Variants in BTBD8 observed in about 807,000 individuals in gnomAD.
BTBD8 encodes BTB/POZ domain-containing protein 8.
A neutral mutation model predicts 162.9 loss-of-function variants in BTBD8; 110 were observed. The ratio of observed to expected loss-of-function variants is 0.68; its 90% CI spans 0.58 to 0.79. The LOEUF is 0.79. Ranked by LOEUF, BTBD8 falls within the 30% of genes least tolerant of loss-of-function variation. The pLI, the probability that BTBD8 is intolerant of heterozygous loss-of-function variation, is 0.00. For missense variants in BTBD8, 1,905 were observed against 2,085.4 expected (o/e 0.91, Z 1.68); for synonymous variants, 667 against 716.1 (o/e 0.93, Z 1.10).
Position 92,184,049 on chromosome 1 carries a change from C to G in BTBD8, c.5098C>G (p.Leu1700Val). Residue 1700 changes from leucine to valine, a missense_variant, in exon 18 of 18, where the codon CTA becomes GTA. Leu to Val is a conservative substitution (Grantham distance 32). Transcript: ENST00000636805. ...ACATTTTGCAAAACAAGATTGGACA[C>G]TACTAAAGCAACTGCTCTCTGAACA... ...DQHFAKQDWT[L>V]LKQLLSEQDS... 6.4e-7 allele frequency: 1 copy of G among 1,551,618 alleles called. No homozygotes were observed.
At chr1:92,103,989 T>C (rs1365550959) in intron 3 of BTBD8, among the ~76,000 whole-genome samples, 1 of 152,204 alleles carries the variant, frequency 6.6e-6, no homozygotes, top group African/African-American at 2.4e-5. Flanking sequence ...ACACATGCAG[T>C]AAACTGAGGT....
chr1:92,106,660 C>CAGAAAAA (rs748723854), intron 3 of BTBD8, among the ~76,000 whole-genome samples: 3 of 9,944 alleles, frequency 3.0e-4, no homozygotes, highest in African/African-American at 1.2e-3. Flanking sequence ...GACTCTGTCT[C>CAGAAAAA]AAAAAAAAAA....
chr1:92,134,247 T>G (rs1480807346), intron 5 of BTBD8, among the ~76,000 whole-genome samples: 1 of 152,240 alleles, frequency 6.6e-6, no homozygotes, highest in Non-Finnish European at 1.5e-5. Context: ...TGCCCTGGCC[T>G]TCAATATAAG....
intron 2 of BTBD8, among the ~76,000 whole-genome samples, chr1:92,100,425 T>C (rs1380226367): frequency 2.6e-5 from 4 of 152,188 alleles, no homozygotes; most frequent in African/African-American, 9.6e-5. Context: ...TGGTAGAATC[T>C]ACCAGTCAAG....
Position 92,086,138 on chromosome 1 carries a change from C to A in BTBD8, c.150-2560C>A, listed in dbSNP as rs147980205. Among the ~76,000 whole-genome samples the A allele has an allele frequency of 6.2e-3, 944 of 152,266 alleles. 8 individuals carry two copies. The highest frequency in any genetic ancestry group is 0.021 in the African/African-American group (890 of 41,544). The stretch of plus-strand genomic sequence containing the variant: ...TCTTCTGGTTTAAGATACAATTGAT[C>A]TATGAGCCTGGGAGTGCTAGAAGCA... On this transcript the variant is annotated intron_variant, in intron 1 of 17. Coordinates refer to ENST00000636805, the MANE Select transcript of BTBD8 (RefSeq NM_001376131.1).
chr1:92,091,208 C>T (rs1488028575), intron 2 of BTBD8, among the ~76,000 whole-genome samples: 1 of 152,088 alleles, frequency 6.6e-6, no homozygotes, highest in Non-Finnish European at 1.5e-5. Context: ...TGGTTGTTTA[C>T]AAGTGTGTAG....
chr1:92,125,266 T>C (rs915187813), intron 4 of BTBD8: 4 of 163,024 alleles, frequency 2.5e-5, no homozygotes, highest in African/African-American at 9.6e-5. Context: ...GAAGAAAGAA[T>C]AGAGGGGACC....
At chr1:92,159,683 C>A (rs753865589) in intron 9 of BTBD8, among the ~76,000 whole-genome samples, 4 of 152,118 alleles carry the variant, frequency 2.6e-5, no homozygotes, top group Admixed American at 6.5e-5. Flanking sequence ...TCTTGGTCGG[C>A]AGGGTTTGTT....
Position 92,164,818 on chromosome 1 carries a change from C to T in BTBD8, c.1123-2140C>T, listed in dbSNP as rs183776763. On this transcript the variant is annotated intron_variant, in intron 9 of 17. Transcript: ENST00000636805. The stretch of plus-strand genomic sequence containing the variant: ...CTGGGACTACAGGTGCCCGCCACCA[C>T]GCCCAGCTAATTTTTTATATTTTTG... 1.8e-3 allele frequency among the ~76,000 whole-genome samples: 270 copies of T among 151,764 alleles called. 3 individuals carry two copies. The highest frequency in any genetic ancestry group is 5.9e-3 in the African/African-American group (244 of 41,478).
At chr1:92,082,658 A>C (rs1421003179) in intron 1 of BTBD8, among the ~76,000 whole-genome samples, 1 of 152,228 alleles carries the variant, frequency 6.6e-6, no homozygotes, top group Non-Finnish European at 1.5e-5. Context: ...ACTCTGCCAA[A>C]TAGTAAGGAA....
In BTBD8 at chr1:92,147,669, CTTTTA is replaced by C. The variant is rs778276039; in HGVS notation, c.1020-9_1020-5del. The C allele has an allele frequency of 1.8e-5, 28 of 1,579,922 alleles. No homozygotes were observed. The highest frequency in any genetic ancestry group is 2.2e-5 in the Non-Finnish European group (26 of 1,161,932). On this transcript the variant is annotated splice_polypyrimidine_tract_variant and intron_variant, in intron 8 of 17. Coordinates refer to ENST00000636805, the MANE Select transcript of BTBD8 (RefSeq NM_001376131.1). ...ATCTTAATTTCTTTAACGTGGTATT[CTTTTA>C]TTTTAACAGGTGGATTGTAAAGCAT... is the stretch of plus-strand genomic sequence containing the variant.
chr1:92,109,313 C>T (rs142196076), intron 4 of BTBD8, among the ~76,000 whole-genome samples: 1 of 150,358 alleles, frequency 6.7e-6, no homozygotes, highest in Non-Finnish European at 1.5e-5. Context: ...TTTGTGTCCA[C>T]GTTTTTCATG....
intron 9 of BTBD8, 167 bp downstream of exon 9, chr1:92,147,953 C>G (rs1256331380): frequency 1.7e-6 from 1 of 598,542 alleles, no homozygotes; most frequent in Non-Finnish European, 2.9e-6. Flanking sequence ...TGAAACCACT[C>G]TGCATACCCA....
chr1:92,090,473 T>C (rs1020878598), intron 2 of BTBD8, among the ~76,000 whole-genome samples: 9 of 152,258 alleles, frequency 5.9e-5, no homozygotes, highest in South Asian at 2.1e-4. Flanking sequence ...TTGCCCATTT[T>C]GAAATTGGGC....
chr1:92,145,334 A>G (rs533640223), intron 7 of BTBD8, among the ~76,000 whole-genome samples: 1 of 152,296 alleles, frequency 6.6e-6, no homozygotes, highest in East Asian at 1.9e-4. Flanking sequence ...AATCAATAGC[A>G]ATTCATAAAT....
intron 1 of BTBD8, among the ~76,000 whole-genome samples, chr1:92,085,539 T>A (rs894442413): frequency 8.6e-5 from 13 of 152,042 alleles, no homozygotes; most frequent in African/African-American, 2.9e-4. Context: ...TGCACACCTG[T>A]ACTCCCAGCT....
At chr1:92,134,127 G>T (rs565264940) in intron 5 of BTBD8, among the ~76,000 whole-genome samples, 1 of 76,814 alleles carries the variant, frequency 1.3e-5, no homozygotes, top group African/African-American at 4.5e-5. Context: ...CAACACTTCT[G>T]TGAAGGAACT....
At position 92,130,896 on chromosome 1, in the gene BTBD8, T is replaced by C. The variant is rs1408031664; in HGVS notation, c.752+1120T>C. Among the ~76,000 whole-genome samples, 3 of 152,120 alleles carry C rather than the reference T, an allele frequency of 2.0e-5. No individual in the cohort carries two copies. The East Asian group carries it at 5.8e-4, about 29-fold the overall frequency. On this transcript the variant is annotated intron_variant, in intron 5 of 17. Transcript: ENST00000636805. ...TTTTGTATTTTTAGTAGAAATGGGGTTTTGCCATGTTGGCCAGGCTGGCCT... is the reference window on the plus strand; with the variant it reads ...TTTTGTATTTTTAGTAGAAATGGGGCTTTGCCATGTTGGCCAGGCTGGCCT...
At chr1:92,144,625 G>C (rs1649864583) in intron 7 of BTBD8, among the ~76,000 whole-genome samples, 1 of 151,770 alleles carries the variant, frequency 6.6e-6, no homozygotes, top group African/African-American at 2.4e-5. Context: ...ATGGGTAACA[G>C]AGGGAGATCC....
Sources: gnomAD v4.1 joint callset for allele counts (sites outside exome capture counted in the v4.1 genomes callset) on GRCh38, gnomAD v4.1.1 for gene constraint, MANE v1.5 for transcripts, NCBI Gene and HGNC (gene_info 2026-07-23, HGNC 2026-07-21) for gene names.